Variants in CWC27 observed in about 807,000 individuals in gnomAD.
The protein encoded by CWC27 is CWC27 spliceosome associated cyclophilin, also known as spliceosome-associated protein CWC27 homolog.
A neutral mutation model predicts 63.6 loss-of-function variants in CWC27; 47 were observed. That is an observed-to-expected ratio of 0.74 (90% CI 0.58 to 0.94). The LOEUF is 0.94. Ranked by LOEUF, CWC27 falls within the 40% of genes least tolerant of loss-of-function variation. The pLI, the probability that CWC27 is intolerant of heterozygous loss-of-function variation, is 0.00. For missense variants in CWC27, 495 were observed against 554.3 expected, an observed-to-expected ratio of 0.89 and a Z score of 1.07; for synonymous variants, 175 against 179.8, an observed-to-expected ratio of 0.97 and a Z score of 0.22.
intron 11 of CWC27, among the ~76,000 whole-genome samples, chr5:64,918,697 G>C (rs985277124): frequency 3.9e-5 from 6 of 152,116 alleles, no homozygotes; most frequent in African/African-American, 1.4e-4. Context: ...GTTTTTCTCA[G>C]TTTTAACAAA....
At chr5:65,006,296 C>G (rs534513084) in intron 13 of CWC27, among the ~76,000 whole-genome samples, 190 of 152,266 alleles carry the variant, frequency 1.2e-3, no homozygotes, top group African/African-American at 4.3e-3. Context: ...AAATGGAATA[C>G]AGGAAGCTAA....
intron 10 of CWC27, among the ~76,000 whole-genome samples, chr5:64,842,671 C>T (rs1745876018): frequency 6.6e-6 from 1 of 151,750 alleles, no homozygotes; most frequent in Admixed American, 6.6e-5. Flanking sequence ...ATGATCTTGA[C>T]CCACTGCAGC....
intron 11 of CWC27, among the ~76,000 whole-genome samples, chr5:64,924,618 T>A (rs1748070960): frequency 6.6e-6 from 1 of 152,072 alleles, no homozygotes; most frequent in South Asian, 2.1e-4. Flanking sequence ...AATGTGCACA[T>A]CCTTTTGCTA....
At chr5:64,791,329 C>T (rs1744073281) in intron 7 of CWC27, among the ~76,000 whole-genome samples, 1 of 152,120 alleles carries the variant, frequency 6.6e-6, no homozygotes, top group South Asian at 2.1e-4. Context: ...CCTTCTGCTG[C>T]TTTCTACTGT....
chr5:64,878,453 T>C (rs1746848752), intron 10 of CWC27, among the ~76,000 whole-genome samples: 2 of 110,598 alleles, frequency 1.8e-5, no homozygotes, highest in South Asian at 6.2e-4. Flanking sequence ...TAGTCAGCAC[T>C]GTCCTGGGTT....
intron 10 of CWC27, among the ~76,000 whole-genome samples, chr5:64,822,469 A>C (rs1326184394): frequency 6.6e-6 from 1 of 152,186 alleles, no homozygotes; most frequent in East Asian, 1.9e-4. Context: ...GCCTTGAAGA[A>C]GGGGTAGAGT....
chr5:64,931,446 T>A (rs1391751038), intron 11 of CWC27, among the ~76,000 whole-genome samples: 5 of 151,858 alleles, frequency 3.3e-5, no homozygotes, highest in Non-Finnish European at 7.4e-5. Flanking sequence ...TTTTTAAAAC[T>A]TATTTAAATT....
intron 10 of CWC27, among the ~76,000 whole-genome samples, chr5:64,883,908 TATA>T (rs1169841310): frequency 6.6e-6 from 1 of 152,194 alleles, no homozygotes; most frequent in Non-Finnish European, 1.5e-5. Flanking sequence ...AGATAATTTC[TATA>T]ATAAGATCCT....
Position 64,971,810 on chromosome 5 carries a change from C to A in CWC27, c.1150C>A (p.Gln384Lys). The A allele has an allele frequency of 6.2e-7, 1 of 1,601,476 alleles. No homozygotes were observed. The highest frequency in any genetic ancestry group is 8.5e-7 in the Non-Finnish European group (1 of 1,174,432). Reference protein sequence around the residue: ...QSKKGTSREDQTLALLNQFKS... With the variant: ...QSKKGTSREDKTLALLNQFKS... Reference sequence around the variant, plus strand: ...AAAGAAGGGAACTTCCCGGGAAGATCAGGTAACTTCAAAAACCCAAATCCA... The same window carrying A: ...AAAGAAGGGAACTTCCCGGGAAGATAAGGTAACTTCAAAAACCCAAATCCA... Residue 384 changes from glutamine to lysine, a missense_variant and splice_region_variant, in exon 12 of 14, where the codon CAG (glutamine) becomes AAG (lysine). By Grantham distance (53) the Gln-to-Lys change is moderately conservative. Transcript: ENST00000381070.
chr5:64,860,165 C>G (rs1746362929), intron 10 of CWC27, among the ~76,000 whole-genome samples: 1 of 152,126 alleles, frequency 6.6e-6, no homozygotes, highest in Non-Finnish European at 1.5e-5. Context: ...TCTTACCCAC[C>G]ATTACATTCT....
chr5:64,831,019 T>C (rs1428168157), intron 10 of CWC27, among the ~76,000 whole-genome samples: 1 of 152,094 alleles, frequency 6.6e-6, no homozygotes, highest in Non-Finnish European at 1.5e-5. Context: ...ATGTTGTCTA[T>C]TATATTATGT....
intron 13 of CWC27, among the ~76,000 whole-genome samples, chr5:65,003,889 G>C (rs1293645577): frequency 6.7e-6 from 1 of 150,276 alleles, no homozygotes; most frequent in Non-Finnish European, 1.5e-5. Context: ...CTGTTGCCCA[G>C]GCTGGAATGC....
intron 10 of CWC27, among the ~76,000 whole-genome samples, chr5:64,808,757 T>C (rs1457947418): frequency 6.6e-6 from 1 of 152,148 alleles, no homozygotes; most frequent in Non-Finnish European, 1.5e-5. Context: ...ATAAATAAAA[T>C]ATTTAATTAA....
intron 11 of CWC27, among the ~76,000 whole-genome samples, chr5:64,924,713 G>T (rs902679762): frequency 6.6e-6 from 1 of 152,188 alleles, no homozygotes; most frequent in Non-Finnish European, 1.5e-5. Flanking sequence ...AGTCCCTGGT[G>T]AGCACACATG....
chr5:64,963,209 G>A (rs6877667), intron 11 of CWC27, among the ~76,000 whole-genome samples: 288 of 152,104 alleles, frequency 1.9e-3, no homozygotes, highest in African/African-American at 6.6e-3. Context: ...CAATCAGCCC[G>A]CCTCCGCCTC....
At position 64,974,127 on chromosome 5, in the gene CWC27, A is replaced by G. The variant is rs117359151; in HGVS notation, c.1152+2315A>G. On this transcript the variant is annotated intron_variant, in intron 12 of 13. Coordinates refer to ENST00000381070, the MANE Select transcript of CWC27 (RefSeq NM_005869.4). ...GTGGTGTGCATCTGTGGTCCCAGCTACTTGGGAGGCTAAGGCATGAGGATC... is the reference window on the plus strand; with the variant it reads ...GTGGTGTGCATCTGTGGTCCCAGCTGCTTGGGAGGCTAAGGCATGAGGATC... Among the ~76,000 whole-genome samples, 284 of 151,820 alleles carry G rather than the reference A, an allele frequency of 1.9e-3. 11 individuals are homozygous for G. In the East Asian group the frequency reaches 0.049, roughly 26 times the overall value.
intron 11 of CWC27, among the ~76,000 whole-genome samples, chr5:64,965,443 G>A (rs967626720): frequency 2.0e-5 from 3 of 152,196 alleles, no homozygotes; most frequent in Admixed American, 1.3e-4. Flanking sequence ...TTGAGGCATA[G>A]ACAACATTCT....
At chr5:64,991,209 A>C (rs1381441371) in intron 13 of CWC27, among the ~76,000 whole-genome samples, 1 of 152,210 alleles carries the variant, frequency 6.6e-6, no homozygotes, top group Non-Finnish European at 1.5e-5. Context: ...GTAACTTGGG[A>C]TTGTTATCCT....
At chr5:64,953,865 T>G (rs1050684584) in intron 11 of CWC27, among the ~76,000 whole-genome samples, 23 of 152,154 alleles carry the variant, frequency 1.5e-4, no homozygotes, top group Non-Finnish European at 7.3e-5. Flanking sequence ...TGGCACTTGA[T>G]GATCACAGTT....
Sources: allele counts gnomAD v4.1 joint callset (sites outside exome capture counted in the v4.1 genomes callset), GRCh38; gene constraint gnomAD v4.1.1; transcripts MANE v1.5; gene names NCBI Gene and HGNC (gene_info 2026-07-23, HGNC 2026-07-21).